Variants in HMGB3 observed in about 807,000 individuals in gnomAD.
The protein encoded by HMGB3 is high mobility group protein B3.
In HMGB3, 1 loss-of-function variant was observed where a neutral mutation model predicts 12.9. The observed-to-expected ratio is 0.08, with a 90% CI of 0.03 to 0.37. HMGB3 has a LOEUF of 0.37. Ranked by LOEUF, HMGB3 falls within the 10% of genes least tolerant of loss-of-function variation. HMGB3 has a pLI of 0.99. For missense variants in HMGB3, 74 were observed against 153.3 expected (o/e 0.48, Z 2.73); for synonymous variants, 61 against 53.9 (o/e 1.13, Z -0.57).
At chrX:150,983,706 C>T (rs1371528669) in intron 1 of HMGB3, 276 of 370,108 alleles carry the variant, frequency 7.5e-4, no homozygotes, top group Non-Finnish European at 8.9e-4. Context: ...CCAGGGCCCC[C>T]GAGGCCAGAT....
chrX:150,986,979 C>T (rs952628085), intron 3 of HMGB3, 149 bp from the exon 4 acceptor site: 3 of 416,325 alleles, frequency 7.2e-6, no homozygotes, highest in Non-Finnish European at 1.2e-5. Context: ...GAACCTACAA[C>T]TTTGTAGCAT....
intron 1 of HMGB3, chrX:150,983,673 CCCCAGGGGCCGCAGCCGGGAA>C: frequency 4.9e-6 from 3 of 613,739 alleles, no homozygotes; most frequent in Non-Finnish European, 5.9e-6. Context: ...CCCGTGGCGG[CCCCAGGGGCCGCAGCCGGGAA>C]CCCAGGGCCC....
At chrX:150,987,019 T>C (rs781958230) in intron 3 of HMGB3, 109 bp from the exon 4 acceptor site, 2 of 549,073 alleles carry the variant, frequency 3.6e-6, no homozygotes, top group East Asian at 3.4e-5. Context: ...TACTTCACTT[T>C]AGGGAGAAGT....
At chrX:150,983,838 G>C (rs1379040223) in intron 1 of HMGB3, among the ~76,000 whole-genome samples, 1 of 107,330 alleles carries the variant, frequency 9.3e-6, no homozygotes, top group Non-Finnish European at 2.0e-5. Flanking sequence ...ACTCCGCTGG[G>C]GAACGGGCGG....
In HMGB3 at chrX:150,988,102, C is replaced by T. The variant is rs1430028252; in HGVS notation, c.*188C>T. On this transcript the variant is annotated 3_prime_UTR_variant, in exon 5 of 5. Transcript: ENST00000325307. ...GTTTACATGAAGTGGCCATGGGTGTCTGGAGCACCCTGAAACTGTATCAAA... is the reference window on the plus strand; with the variant it reads ...GTTTACATGAAGTGGCCATGGGTGTTTGGAGCACCCTGAAACTGTATCAAA... The T allele has an allele frequency of 1.9e-5, 9 of 464,727 alleles. No individual in the cohort carries two copies. The highest frequency in any genetic ancestry group is 2.8e-5 in the Non-Finnish European group (8 of 281,277). The allele number at this position is 464,727 out of a possible 1,213,427, so 38.3% of individuals were successfully genotyped here. A position where few individuals can be genotyped will look rare whatever the true frequency, so the allele number is the denominator to read the frequency against.
chrX:150,985,235 A>G (rs1385479185), intron 1 of HMGB3, among the ~76,000 whole-genome samples: 1 of 111,533 alleles, frequency 9.0e-6, no homozygotes, highest in Non-Finnish European at 1.9e-5. Flanking sequence ...ACCCCCACCA[A>G]ATGTGTCCTC....
chrX:150,984,688 G>C (rs1448348829), intron 1 of HMGB3: 27 of 375,217 alleles, frequency 7.2e-5, no homozygotes, highest in Non-Finnish European at 9.2e-5. Context: ...GCTGCCGGCC[G>C]GGACTCCCCC....
rs1177999523 is a variant in HMGB3, at chrX:150,985,725, CAAG to C, written c.130_132del (p.Lys44del). 8.3e-7 allele frequency: 1 copy of C among 1,208,472 alleles called. No homozygotes were observed. Among genetic ancestry groups the C allele is most frequent in the African/African-American group, 1.7e-5 (1 of 57,238 alleles). ...TCCCTGTCAATTTTGCGGAATTTTC[CAAG>C]AAGTGCTCTGAGAGGTGGAAGGTAT... On this transcript the variant is annotated inframe_deletion, in exon 2 of 5. Transcript: ENST00000325307.
At chrX:150,984,909 C>T (rs1200202771) in intron 1 of HMGB3, among the ~76,000 whole-genome samples, 1 of 112,345 alleles carries the variant, frequency 8.9e-6, no homozygotes, top group African/African-American at 3.2e-5. Flanking sequence ...GTGTTCTCGG[C>T]TGGACCTGCA....
At chrX:150,985,562 T>G in intron 1 of HMGB3, 33 bp from the exon 2 acceptor site, 1 of 1,132,787 alleles carries the variant, frequency 8.8e-7, no homozygotes, top group Non-Finnish European at 1.2e-6. Flanking sequence ...TTGCTTTTCC[T>G]CATTGTATTT....
chrX:150,982,972 C>G, upstream of HMGB3, among the ~76,000 whole-genome samples: 1 of 112,957 alleles, frequency 8.9e-6, no homozygotes, highest in Non-Finnish European at 1.9e-5. Context: ...CAGAGGGCAG[C>G]GCAGCGGGGC....
At chrX:150,984,642 C>T (rs1466777263) in intron 1 of HMGB3, 211 of 674,364 alleles carry the variant, frequency 3.1e-4, no homozygotes, top group Non-Finnish European at 3.6e-4. Context: ...TACGGGTGTC[C>T]CGGTGACCCG....
chrX:150,983,860 C>T (rs1452196407), intron 1 of HMGB3, among the ~76,000 whole-genome samples: 4 of 106,475 alleles, frequency 3.8e-5, no homozygotes, highest in Non-Finnish European at 7.9e-5. Flanking sequence ...CGGTGCCCGC[C>T]GGGGGCTGCG....
chrX:150,986,745 G>A (rs2048057242), intron 3 of HMGB3, among the ~76,000 whole-genome samples: 1 of 111,257 alleles, frequency 9.0e-6, no homozygotes, highest in Non-Finnish European at 1.9e-5. Context: ...CTGGGTTCAA[G>A]TGATTCTCCT....
Position 150,987,758 on chromosome X carries a change from T to C in HMGB3, c.466-19T>C, listed in dbSNP as rs1557425283. On this transcript the variant is annotated intron_variant, in intron 4 of 4. Coordinates refer to ENST00000325307, the MANE Select transcript of HMGB3 (RefSeq NM_005342.4). Reference sequence around the variant, plus strand: ...AAAACAGCCGCATACTCATTTGAAATGTGTCCCTGTTCCTCTAGGATGTTG... The same window carrying C: ...AAAACAGCCGCATACTCATTTGAAACGTGTCCCTGTTCCTCTAGGATGTTG... 1 of 1,181,661 alleles carries C rather than the reference T, an allele frequency of 8.5e-7. No homozygotes were observed. Among genetic ancestry groups the C allele is most frequent in the Non-Finnish European group, 1.1e-6 (1 of 874,062 alleles).
At position 150,987,997 on chromosome X, in the gene HMGB3, G is replaced by C; in HGVS notation, c.*83G>C. On this transcript the variant is annotated 3_prime_UTR_variant, in exon 5 of 5. Transcript: ENST00000325307. Reference sequence around the variant, plus strand: ...CACATCTCTTATTTGAGAAGTGTCTGTTGCCCTCATTAGGTTTAATTACAA... The same window carrying C: ...CACATCTCTTATTTGAGAAGTGTCTCTTGCCCTCATTAGGTTTAATTACAA... 1 of 1,087,727 alleles carries C rather than the reference G, an allele frequency of 9.2e-7. No individual in the cohort carries two copies. Among genetic ancestry groups the C allele is most frequent in the South Asian group, 2.3e-5 (1 of 42,875 alleles). 89.6% of individuals were successfully genotyped at this position (1,087,727 alleles called of 1,213,427 possible). A position where few individuals can be genotyped will look rare whatever the true frequency, so the allele number is the denominator to read the frequency against.
intron 1 of HMGB3, 75 bp downstream of exon 1, chrX:150,983,451 C>A (rs1226046593): frequency 3.6e-4 from 225 of 625,646 alleles, no homozygotes; most frequent in Non-Finnish European, 4.1e-4. Flanking sequence ...CCGCCGCCGC[C>A]GCAGCGCCCG....
In HMGB3 at chrX:150,987,765, C is replaced by T. The variant is rs782536379; in HGVS notation, c.466-12C>T. The T allele has an allele frequency of 3.3e-6, 4 of 1,194,623 alleles. No homozygotes were observed. The South Asian group carries it at 5.4e-5, about 16-fold the overall frequency. On this transcript the variant is annotated splice_polypyrimidine_tract_variant and intron_variant, in intron 4 of 4. Transcript: ENST00000325307. ...CCGCATACTCATTTGAAATGTGTCCCTGTTCCTCTAGGATGTTGCTGACTA... is the reference window on the plus strand; with the variant it reads ...CCGCATACTCATTTGAAATGTGTCCTTGTTCCTCTAGGATGTTGCTGACTA...
At position 150,986,190 on chromosome X, in the gene HMGB3, C is replaced by T. The variant is rs782811515; in HGVS notation, c.290C>T (p.Pro97Leu). The change falls in exon 3 of 5, where the codon CCG becomes CTG. Residue 97 changes from proline (P) to leucine (L), a missense_variant and splice_region_variant. Transcript: ENST00000325307. The part of the protein sequence containing the change: ...KKDPNAPKRP[P>L]SGFFLFCSEF... ...GATCCTAATGCTCCCAAAAGGCCACCGTAAGTGACTATAGGATTCAAGATA... is the reference window on the plus strand; with the variant it reads ...GATCCTAATGCTCCCAAAAGGCCACTGTAAGTGACTATAGGATTCAAGATA... 7 of 1,171,805 alleles carry T rather than the reference C, an allele frequency of 6.0e-6. No homozygotes were observed. The highest frequency in any genetic ancestry group is 5.7e-6 in the Non-Finnish European group (5 of 875,499).
Sources: gnomAD v4.1 joint callset for allele counts (sites outside exome capture counted in the v4.1 genomes callset) on GRCh38, gnomAD v4.1.1 for gene constraint, MANE v1.5 for transcripts, NCBI Gene and HGNC (gene_info 2026-07-23, HGNC 2026-07-21) for gene names.